The following MYPN variants were observed in gnomAD, a reference collection of about 807,000 sequenced individuals.
MYPN encodes the protein myopalladin, also known as sarcomeric protein myopalladin, 145 kDa (MYOP).
In MYPN, 63 loss-of-function variants were observed where a neutral mutation model predicts 129.4. The observed-to-expected ratio is 0.49, with a 90% CI of 0.40 to 0.60. The LOEUF (loss-of-function observed/expected upper bound fraction) is 0.60, where lower values mean the gene tolerates loss of function less well. MYPN is among the 20% of genes least tolerant of loss of function. MYPN has a pLI of 0.00. For missense variants in MYPN, 1,596 were observed against 1,635.4 expected (o/e 0.98, Z 0.42); for synonymous variants, 629 against 600.9 (o/e 1.05, Z -0.68).
chr10:68,128,370 T>G (rs775614576), intron 2 of MYPN, among the ~76,000 whole-genome samples: 1 of 152,328 alleles, frequency 6.6e-6, no homozygotes, highest in South Asian at 2.1e-4. Context: ...TTGTTATTGC[T>G]GCTTCTAGAC....
At chr10:68,144,139 C>T (rs2134071377) in intron 3 of MYPN, among the ~76,000 whole-genome samples, 1 of 152,232 alleles carries the variant, frequency 6.6e-6, no homozygotes, top group South Asian at 2.1e-4. Flanking sequence ...CATCTGGGAA[C>T]ACTGGAAAGG....
Position 68,194,389 on chromosome 10 carries a change from G to A in MYPN, c.2952G>A (p.Gln984=). 1 of 1,613,744 alleles carries A rather than the reference G, an allele frequency of 6.2e-7. No individual in the cohort carries two copies. The highest frequency in any genetic ancestry group is 8.5e-7 in the Non-Finnish European group (1 of 1,179,770). Residue 984 remains glutamine, a synonymous_variant, in exon 14 of 20, where the codon CAG becomes CAA. Transcript: ENST00000358913. ...TTTACTGGTTCAAAGATGGGAAGCA[G>A]ATTTCTAAGAGAAATGAGCACTGCA... The part of the protein sequence containing the change: ...PKVYWFKDGK[Q]ISKRNEHCKM...
intron 1 of MYPN, among the ~76,000 whole-genome samples, chr10:68,096,500 T>G (rs980909658): frequency 1.3e-5 from 2 of 152,218 alleles, no homozygotes; most frequent in Non-Finnish European, 2.9e-5. Context: ...AGGCGGAGGT[T>G]GCAGTGAGCT....
chr10:68,165,223 C>T (rs752701173), intron 8 of MYPN, among the ~76,000 whole-genome samples: 2 of 152,150 alleles, frequency 1.3e-5, no homozygotes, highest in Non-Finnish European at 2.9e-5. Flanking sequence ...GAGGCCAAGG[C>T]GGGCAGATCA....
At chr10:68,114,168 G>A (rs2042120489) in intron 1 of MYPN, 1 of 152,018 alleles carries the variant, frequency 6.6e-6, no homozygotes, top group East Asian at 1.9e-4. Context: ...TCTGGTCAAT[G>A]CCCCAGCTTA....
In MYPN at chr10:68,122,221, T is replaced by C. The variant is rs1773631872; in HGVS notation, c.783T>C (p.Tyr261=). The C allele has an allele frequency of 6.2e-7, 1 of 1,611,714 alleles. No homozygotes were observed. Among genetic ancestry groups the C allele is most frequent in the African/African-American group, 1.3e-5 (1 of 74,916 alleles). The change falls in exon 2 of 20, where the codon TAT becomes TAC. Residue 261 remains tyrosine, a synonymous_variant. Coordinates refer to ENST00000358913, the MANE Select transcript of MYPN (RefSeq NM_032578.4). ...GGTCTTCCCCTTCATCTCTGTACTA[T>C]GAAGAACCTCTGGGGCAACCTCCCC... The part of the protein sequence containing the change: ...TPGSSPSSLY[Y]EEPLGQPPRF...
intron 12 of MYPN, among the ~76,000 whole-genome samples, chr10:68,179,263 G>A (rs1361973891): frequency 1.3e-5 from 2 of 152,026 alleles, no homozygotes; most frequent in Non-Finnish European, 2.9e-5. Flanking sequence ...TACTTTGTAA[G>A]GCCACTGGCT....
intron 2 of MYPN, among the ~76,000 whole-genome samples, chr10:68,134,481 CCT>C (rs1473546873): frequency 3.3e-5 from 5 of 152,170 alleles, no homozygotes; most frequent in African/African-American, 9.7e-5. Context: ...ATTTATTCAT[CCT>C]CTCTTTTGTT....
intron 2 of MYPN, among the ~76,000 whole-genome samples, chr10:68,126,832 C>T (rs2042333243): frequency 6.6e-6 from 1 of 152,102 alleles, no homozygotes; most frequent in Non-Finnish European, 1.5e-5. Context: ...AAATGCAGGA[C>T]TGAAAGTCAG....
At chr10:68,179,097 C>G (rs2043274222) in intron 12 of MYPN, among the ~76,000 whole-genome samples, 1 of 152,134 alleles carries the variant, frequency 6.6e-6, no homozygotes, top group South Asian at 2.1e-4. Context: ...CCTCTAATCT[C>G]CTTCTTCTCT....
At chr10:68,143,194 T>G in intron 3 of MYPN, 79 bp downstream of exon 3, 2 of 1,353,436 alleles carry the variant, frequency 1.5e-6, no homozygotes, top group Non-Finnish European at 2.1e-6. Flanking sequence ...ATTGAGGGCC[T>G]CCTCTACCAT....
chr10:68,128,900 C>A (rs972728105), intron 2 of MYPN, among the ~76,000 whole-genome samples: 3 of 151,918 alleles, frequency 2.0e-5, no homozygotes, highest in African/African-American at 7.3e-5. Flanking sequence ...TTGAAGAAAC[C>A]AATTATGTCT....
Position 68,148,479 on chromosome 10 carries a change from C to T in MYPN, c.1245+12C>T, listed in dbSNP as rs1453026161. On this transcript the variant is annotated intron_variant, in intron 5 of 19. Coordinates refer to ENST00000358913, the MANE Select transcript of MYPN (RefSeq NM_032578.4). ...CAACCATCCAGCAGGTACAAGAATC[C>T]AAGCGAAACACAAGTGCCATCCACT... 3.1e-6 allele frequency: 5 copies of T among 1,600,490 alleles called. No homozygotes were observed. Among genetic ancestry groups the T allele is most frequent in the Non-Finnish European group, 4.3e-6 (5 of 1,167,716 alleles).
At chr10:68,093,139 A>G (rs750187436) in intron 1 of MYPN, among the ~76,000 whole-genome samples, 2 of 152,084 alleles carry the variant, frequency 1.3e-5, no homozygotes, top group Non-Finnish European at 2.9e-5. Context: ...TGGCCTCCCA[A>G]AGCGGTGGAA....
At chr10:68,130,040 A>C (rs755682047) in intron 2 of MYPN, among the ~76,000 whole-genome samples, 70 of 152,196 alleles carry the variant, frequency 4.6e-4, no homozygotes, top group Non-Finnish European at 8.4e-4. Flanking sequence ...GTTACAAATG[A>C]GGTTGAAATT....
intron 12 of MYPN, among the ~76,000 whole-genome samples, chr10:68,180,769 T>C (rs2043301803): frequency 6.6e-6 from 1 of 152,270 alleles, no homozygotes; most frequent in Non-Finnish European, 1.5e-5. Flanking sequence ...CATATCCAAT[T>C]AGGATGCATC....
At chr10:68,149,829 A>T (rs541998636) in intron 5 of MYPN, among the ~76,000 whole-genome samples, 2 of 152,152 alleles carry the variant, frequency 1.3e-5, no homozygotes, top group Non-Finnish European at 2.9e-5. Flanking sequence ...GCGTGGGGAT[A>T]GGCAGCACAT....
intron 10 of MYPN, among the ~76,000 whole-genome samples, chr10:68,169,181 TAAAAAAA>T (rs59317396): frequency 0.14 from 12,545 of 90,924 alleles, 1,036 homozygotes; most frequent in Admixed American, 0.19. Flanking sequence ...CCGTCTCTAC[TAAAAAAA>T]AAAAAAAAAA....
intron 2 of MYPN, chr10:68,135,430 T>C (rs2134038761): frequency 1.1e-6 from 1 of 938,918 alleles, no homozygotes; most frequent in Non-Finnish European, 1.3e-6. Flanking sequence ...ACAACATTTA[T>C]TATTATCTTA....
Sources: allele counts gnomAD v4.1 joint callset (sites outside exome capture counted in the v4.1 genomes callset), GRCh38; gene constraint gnomAD v4.1.1; transcripts MANE v1.5; gene names NCBI Gene and HGNC (gene_info 2026-07-23, HGNC 2026-07-21).